The following CHMP3 variants were observed in gnomAD, a reference collection of about 807,000 sequenced individuals.
CHMP3 encodes charged multivesicular body protein 3.
CHMP3 carries 8 observed loss-of-function variants against 27.4 expected under a neutral mutation model. The ratio of observed to expected loss-of-function variants is 0.29; its 90% CI spans 0.17 to 0.53. CHMP3 has a LOEUF of 0.53. CHMP3 is among the 20% of genes least tolerant of loss of function. The probability of loss-of-function intolerance (pLI) is 0.96; values close to 1 mark genes in which losing one functional copy is unlikely to be tolerated. For synonymous variants in CHMP3, 86 were observed against 85.5 expected (o/e 1.01, Z -0.03); for missense variants, 208 against 271.5 (o/e 0.77, Z 1.64).
chr2:86,514,417 T>C (rs764724422), intron 3 of CHMP3, among the ~76,000 whole-genome samples: 5 of 152,214 alleles, frequency 3.3e-5, no homozygotes, highest in Non-Finnish European at 5.9e-5. Flanking sequence ...TTTTGCCAGA[T>C]AGCATTCTAA....
chr2:86,550,367 C>T (rs956577773), intron 1 of CHMP3, among the ~76,000 whole-genome samples: 3 of 146,638 alleles, frequency 2.0e-5, no homozygotes, highest in Non-Finnish European at 4.5e-5. Context: ...CAGAGGGAGA[C>T]GGAGACGGAG....
intron 1 of CHMP3, among the ~76,000 whole-genome samples, chr2:86,557,702 TATCTACCGTCCACCTGGTG>T (rs1415341606): frequency 6.6e-6 from 1 of 152,170 alleles, no homozygotes; most frequent in African/African-American, 2.4e-5. Flanking sequence ...CCTGATCCTA[TATCTACCGTCCACCTGGTG>T]AATGCCACTT....
intron 1 of CHMP3, among the ~76,000 whole-genome samples, chr2:86,554,934 C>T (rs1023113448): frequency 6.6e-6 from 1 of 150,722 alleles, no homozygotes; most frequent in Non-Finnish European, 1.5e-5. Flanking sequence ...GCGACCTCTG[C>T]CTCCTGTGTT....
rs752435371 is a variant in CHMP3 at position 86,563,355 on chromosome 2, C to G, written c.-7G>C. On this transcript the variant is annotated 5_prime_UTR_variant, in exon 1 of 6. Transcript: ENST00000263856. ...TCTTTCCAAACAGCCCCATGACGAA[C>G]TGAACCCGTCTTGCCCCTTCCGGCT... 6.2e-7 allele frequency: 1 copy of G among 1,614,078 alleles called. No individual in the cohort carries two copies. The highest frequency in any genetic ancestry group is 8.5e-7 in the Non-Finnish European group (1 of 1,179,936).
chr2:86,532,670 C>A (rs1675973651), intron 2 of CHMP3, among the ~76,000 whole-genome samples: 1 of 152,060 alleles, frequency 6.6e-6, no homozygotes. Context: ...AATGCTTTTT[C>A]TGCATCAATT....
intron 1 of CHMP3, among the ~76,000 whole-genome samples, chr2:86,553,488 C>T (rs1165549975): frequency 1.3e-5 from 2 of 152,070 alleles, no homozygotes; most frequent in East Asian, 1.9e-4. Context: ...CACGCCACCA[C>T]GCCCAGCTAA....
At chr2:86,534,243 G>A (rs1676044164) in intron 2 of CHMP3, among the ~76,000 whole-genome samples, 1 of 129,450 alleles carries the variant, frequency 7.7e-6, no homozygotes, top group Non-Finnish European at 1.6e-5. Flanking sequence ...CTGTCTCCCA[G>A]GCTGGACTGT....
At chr2:86,522,399 C>CTAT (rs1343534931) in intron 3 of CHMP3, among the ~76,000 whole-genome samples, 1 of 152,194 alleles carries the variant, frequency 6.6e-6, no homozygotes, top group African/African-American at 2.4e-5. Context: ...TCCCAACAAG[C>CTAT]AACACTCCAC....
chr2:86,549,247 G>GACGGGGCGGCCGGGCAGAGGCGCTCCTCA lies in CHMP3; in HGVS notation c.46-6936_46-6935insTGAGGAGCGCCTCTGCCCGGCCGCCCCGT, dbSNP rs1307923219. ...GGGCGGCCGGGCAGAGGCGCTCCTC[G>GACGGGGCGGCCGGGCAGAGGCGCTCCTCA]CCTCCCAGACGGGGCGGCAGGGCAG... On this transcript the variant is annotated intron_variant, in intron 1 of 5. Coordinates refer to ENST00000263856, the MANE Select transcript of CHMP3 (RefSeq NM_016079.4). Among the ~76,000 whole-genome samples, 170 of 81,234 alleles carry GACGGGGCGGCCGGGCAGAGGCGCTCCTCA rather than the reference G, an allele frequency of 2.1e-3. 2 individuals carry two copies. The highest frequency in any genetic ancestry group is 8.0e-3 in the African/African-American group (154 of 19,234). 53.3% of individuals were successfully genotyped at this position (81,234 alleles called of 152,430 possible). A position where few individuals can be genotyped will look rare whatever the true frequency, so the allele number is the denominator to read the frequency against.
At chr2:86,539,547 G>A (rs1676279519) in intron 2 of CHMP3, among the ~76,000 whole-genome samples, 1 of 152,072 alleles carries the variant, frequency 6.6e-6, no homozygotes, top group South Asian at 2.1e-4. Context: ...AAGGAAAAAT[G>A]AGCTATGGAT....
In CHMP3 at chr2:86,555,242, C is replaced by T. The variant is rs568989786; in HGVS notation, c.45+8062G>A. On this transcript the variant is annotated intron_variant, in intron 1 of 5. Transcript: ENST00000263856. Reference sequence around the variant, plus strand: ...TACATATATTGGTATGAATAAACTTCATTTTCAAAATATACAAACAATACT... The same window carrying T: ...TACATATATTGGTATGAATAAACTTTATTTTCAAAATATACAAACAATACT... Among the ~76,000 whole-genome samples the T allele has an allele frequency of 3.3e-5, 5 of 152,250 alleles. No individual in the cohort carries two copies. In the South Asian group the frequency reaches 1.0e-3, roughly 32 times the overall value.
intron 4 of CHMP3, 56 bp downstream of exon 4, chr2:86,510,301 AC>A: frequency 8.6e-7 from 1 of 1,158,792 alleles, no homozygotes; most frequent in Non-Finnish European, 1.2e-6. Flanking sequence ...GCCCCCTGTT[AC>A]TTGTTTAGAG....
chr2:86,539,296 G>A (rs1334637676), intron 2 of CHMP3, among the ~76,000 whole-genome samples: 1 of 152,052 alleles, frequency 6.6e-6, no homozygotes, highest in Non-Finnish European at 1.5e-5. Context: ...TCTACTGCAT[G>A]CCAGGTACTG....
chr2:86,548,347 A>G (rs898956187), intron 1 of CHMP3, among the ~76,000 whole-genome samples: 4 of 152,176 alleles, frequency 2.6e-5, no homozygotes, highest in Non-Finnish European at 5.9e-5. Flanking sequence ...CTTCCGCAGT[A>G]TTTGTGTCCC....
intron 3 of CHMP3, among the ~76,000 whole-genome samples, chr2:86,524,110 A>G (rs543434742): frequency 2.6e-5 from 4 of 152,310 alleles, no homozygotes; most frequent in Admixed American, 2.6e-4. Flanking sequence ...TATTATCCTC[A>G]AAATGGAACA....
intron 3 of CHMP3, chr2:86,510,681 G>A: frequency 1.5e-6 from 1 of 658,512 alleles, no homozygotes; most frequent in Non-Finnish European, 2.4e-6. Context: ...CTACTGATGT[G>A]AATTCAATGA....
intron 4 of CHMP3, among the ~76,000 whole-genome samples, chr2:86,510,150 T>C (rs1002663281): frequency 2.0e-5 from 3 of 152,218 alleles, no homozygotes; most frequent in African/African-American, 7.2e-5. Context: ...CTTTTGCTTC[T>C]TCTACAGAAC....
chr2:86,549,117 C>A (rs4832299), intron 1 of CHMP3, among the ~76,000 whole-genome samples: 3 of 143,364 alleles, frequency 2.1e-5, no homozygotes, highest in South Asian at 4.5e-4. Context: ...CCAGACGGGG[C>A]GGCCGGGAAG....
Position 86,505,726 on chromosome 2 carries a change from CAG to C in CHMP3, c.*76_*77del. 1 of 1,379,766 alleles carries C rather than the reference CAG, an allele frequency of 7.2e-7. No individual in the cohort carries two copies. The highest frequency in any genetic ancestry group is 2.7e-5 in the East Asian group (1 of 37,236). 85.5% of individuals were successfully genotyped at this position (1,379,766 alleles called of 1,614,324 possible). A position where few individuals can be genotyped will look rare whatever the true frequency, so the allele number is the denominator to read the frequency against. On this transcript the variant is annotated 3_prime_UTR_variant, in exon 6 of 6. Transcript: ENST00000263856. The stretch of plus-strand genomic sequence containing the variant: ...TTCTCCAAAATGGTAGTCCTCACAA[CAG>C]AGGTGTAGTGCAAGAGACACATAAA...
Sources: gnomAD v4.1 joint callset for allele counts (sites outside exome capture counted in the v4.1 genomes callset) on GRCh38, gnomAD v4.1.1 for gene constraint, MANE v1.5 for transcripts, NCBI Gene and HGNC (gene_info 2026-07-23, HGNC 2026-07-21) for gene names.